PDE4B: variants seen among roughly 807,000 people sequenced by gnomAD.
PDE4B encodes phosphodiesterase 4B, also known as 3',5'-cyclic-AMP phosphodiesterase 4B.
Under a neutral mutation model 82.2 loss-of-function variants are expected in PDE4B, and 20 were observed. The ratio of observed to expected loss-of-function variants is 0.24; its 90% CI spans 0.17 to 0.35. PDE4B has a LOEUF of 0.35. Ranked by LOEUF, PDE4B falls within the 10% of genes least tolerant of loss-of-function variation. The pLI is 1.00. For synonymous variants in PDE4B, 320 were observed against 318.9 expected (o/e 1.00, Z -0.04); for missense variants, 655 against 907.2 (o/e 0.72, Z 3.57).
chr1:66,338,576 T>C (rs1660700427), intron 8 of PDE4B, among the ~76,000 whole-genome samples: 2 of 152,218 alleles, frequency 1.3e-5, no homozygotes, highest in Admixed American at 6.5e-5. Context: ...CCATTGCCTA[T>C]TTCAGATCAA....
intron 3 of PDE4B, among the ~76,000 whole-genome samples, chr1:66,004,438 A>C (rs574642196): frequency 6.6e-6 from 1 of 152,252 alleles, no homozygotes; most frequent in East Asian, 1.9e-4. Flanking sequence ...TTACCACAAT[A>C]AAATAAAAAG....
At chr1:65,956,818 C>A (rs1649286902) in intron 3 of PDE4B, among the ~76,000 whole-genome samples, 1 of 152,062 alleles carries the variant, frequency 6.6e-6, no homozygotes, top group Admixed American at 6.6e-5. Flanking sequence ...TCAGCTTGAA[C>A]TTTACCAGGA....
At chr1:66,241,826 C>T (rs4655604) in intron 3 of PDE4B, among the ~76,000 whole-genome samples, 3 of 151,994 alleles carry the variant, frequency 2.0e-5, no homozygotes, top group Admixed American at 6.5e-5. Flanking sequence ...AGGGAGAATG[C>T]GGAAAGAAGA....
At chr1:65,889,886 A>C (rs920806117) in intron 1 of PDE4B, among the ~76,000 whole-genome samples, 2 of 152,168 alleles carry the variant, frequency 1.3e-5, no homozygotes, top group African/African-American at 4.8e-5. Context: ...CAGTAAATGT[A>C]ATACACACTT....
intron 3 of PDE4B, among the ~76,000 whole-genome samples, chr1:66,041,618 G>C (rs1408115197): frequency 6.6e-6 from 1 of 151,812 alleles, no homozygotes. Flanking sequence ...ATGTCCTATA[G>C]GAAGCATGGC....
chr1:65,947,433 G>A (rs1453802160), intron 3 of PDE4B, among the ~76,000 whole-genome samples: 2 of 151,984 alleles, frequency 1.3e-5, no homozygotes, highest in Non-Finnish European at 2.9e-5. Flanking sequence ...TGAAGACTTG[G>A]AGGGTGGCAC....
At chr1:65,913,960 T>A (rs1647126812) in intron 2 of PDE4B, among the ~76,000 whole-genome samples, 1 of 152,206 alleles carries the variant, frequency 6.6e-6, no homozygotes. Flanking sequence ...ATCTAAATCA[T>A]CTGAAGAAAT....
At chr1:66,102,074 A>G (rs934962941) in intron 3 of PDE4B, among the ~76,000 whole-genome samples, 6 of 152,244 alleles carry the variant, frequency 3.9e-5, no homozygotes, top group Middle Eastern at 3.4e-3. Context: ...TCCCAGCACC[A>G]TTTATTAAAT....
At chr1:66,259,709 A>G (rs943215959) in intron 6 of PDE4B, among the ~76,000 whole-genome samples, 2 of 152,230 alleles carry the variant, frequency 1.3e-5, no homozygotes, top group Non-Finnish European at 2.9e-5. Context: ...TGAATTCCCA[A>G]GAATAGCAGA....
intron 3 of PDE4B, among the ~76,000 whole-genome samples, chr1:66,094,148 T>C (rs1645073945): frequency 6.6e-6 from 1 of 151,960 alleles, no homozygotes; most frequent in Admixed American, 6.6e-5. Flanking sequence ...GAAATCTGAC[T>C]AGAGACCAGA....
chr1:65,826,386 C>T (rs1345609409), intron 1 of PDE4B, among the ~76,000 whole-genome samples: 2 of 152,038 alleles, frequency 1.3e-5, no homozygotes, highest in Non-Finnish European at 1.5e-5. Flanking sequence ...TGAGTGTGGC[C>T]TAGCATGGTA....
At chr1:65,921,246 G>A (rs1481063700) in intron 3 of PDE4B, among the ~76,000 whole-genome samples, 1 of 152,032 alleles carries the variant, frequency 6.6e-6, no homozygotes, top group Non-Finnish European at 1.5e-5. Flanking sequence ...GGGATTACAG[G>A]TGTGAGCCAC....
chr1:65,963,314 C>T (rs1649642804), intron 3 of PDE4B, among the ~76,000 whole-genome samples: 1 of 152,172 alleles, frequency 6.6e-6, no homozygotes, highest in Non-Finnish European at 1.5e-5. Flanking sequence ...CAAGCCTGCC[C>T]TCCAGCTCCT....
At chr1:66,149,438 T>C (rs1439938146) in intron 3 of PDE4B, among the ~76,000 whole-genome samples, 1 of 152,252 alleles carries the variant, frequency 6.6e-6, no homozygotes, top group Non-Finnish European at 1.5e-5. Context: ...TTATCATTTG[T>C]AGCACATTAA....
chr1:66,231,668 A>T (rs1651957631), intron 3 of PDE4B, among the ~76,000 whole-genome samples: 1 of 152,244 alleles, frequency 6.6e-6, no homozygotes, highest in Middle Eastern at 3.2e-3. Context: ...TATTCAAAGG[A>T]TGGATTTGCA....
At chr1:66,281,545 A>G (rs931747068) in intron 7 of PDE4B, among the ~76,000 whole-genome samples, 27 of 152,250 alleles carry the variant, frequency 1.8e-4, no homozygotes, top group Admixed American at 1.6e-3. Context: ...ATTCGGAAGA[A>G]GGGTGGATTC....
At chr1:65,794,680 A>G (rs957798091) in intron 1 of PDE4B, among the ~76,000 whole-genome samples, 3 of 152,144 alleles carry the variant, frequency 2.0e-5, no homozygotes, top group African/African-American at 7.2e-5. Context: ...TGACTGTAAT[A>G]TGTTTGCTGG....
intron 8 of PDE4B, among the ~76,000 whole-genome samples, chr1:66,342,615 C>G (rs1163813370): frequency 1.3e-5 from 2 of 150,816 alleles, no homozygotes; most frequent in East Asian, 1.9e-4. Flanking sequence ...ACTGTAATCC[C>G]AGCTACTAGA....
At chr1:66,360,118 A>G (rs1662634191) in intron 9 of PDE4B, among the ~76,000 whole-genome samples, 1 of 151,820 alleles carries the variant, frequency 6.6e-6, no homozygotes, top group African/African-American at 2.4e-5. Context: ...AAAAATCTGT[A>G]TTTTTCTGAA....
Sources: gnomAD v4.1 joint callset for allele counts (sites outside exome capture counted in the v4.1 genomes callset) on GRCh38, gnomAD v4.1.1 for gene constraint, MANE v1.5 for transcripts, NCBI Gene and HGNC (gene_info 2026-07-23, HGNC 2026-07-21) for gene names.